The following INTS10 variants were observed in gnomAD, a reference collection of about 807,000 sequenced individuals.
INTS10 encodes the protein integrator complex subunit 10.
In INTS10, 44 loss-of-function variants were observed where a neutral mutation model predicts 94.4. The ratio of observed to expected loss-of-function variants is 0.47; its 90% CI spans 0.37 to 0.60. The LOEUF (loss-of-function observed/expected upper bound fraction) is 0.60, where lower values mean the gene tolerates loss of function less well. Among genes scored for constraint, INTS10 ranks in the 20% least tolerant of loss-of-function variants. The probability of loss-of-function intolerance (pLI) is 0.00; values close to 1 mark genes in which losing one functional copy is unlikely to be tolerated. For missense variants in INTS10, 797 were observed against 868.7 expected (o/e 0.92, Z 1.04); for synonymous variants, 341 against 320.7 (o/e 1.06, Z -0.68).
At chr8:19,820,630 G>T in intron 4 of INTS10, 112 bp downstream of exon 4, 3 of 858,590 alleles carry the variant, frequency 3.5e-6, no homozygotes, top group South Asian at 5.0e-5. Context: ...TACTGGTTAA[G>T]ATTGAACTGA....
chr8:19,846,224 C>G lies in INTS10; in HGVS notation c.1976+427C>G, dbSNP rs930381479. On this transcript the variant is annotated intron_variant, in intron 16 of 16. Transcript: ENST00000397977. The surrounding 1 kb of genome is among the most constrained non-coding windows in gnomAD (Gnocchi z 4.2). ...ATCACCTAAGGCCAGGAATTCAGGA[C>G]CAGCCTGGCCAACATGGTGAAACCC... Among the ~76,000 whole-genome samples, 15 of 151,436 alleles carry G rather than the reference C, an allele frequency of 9.9e-5. No individual in the cohort carries two copies. Among genetic ancestry groups the G allele is most frequent in the Non-Finnish European group, 2.1e-4 (14 of 67,908 alleles).
chr8:19,821,896 T>A (rs1408324437), intron 4 of INTS10: 1 of 152,412 alleles, frequency 6.6e-6, no homozygotes, highest in Non-Finnish European at 1.5e-5. Flanking sequence ...TACCAGTGTC[T>A]TGGTGGATTT....
chr8:19,838,167 G>A (rs1388282055), intron 13 of INTS10, among the ~76,000 whole-genome samples: 1 of 151,990 alleles, frequency 6.6e-6, no homozygotes, highest in African/African-American at 2.4e-5. Context: ...ACCAGTGTGG[G>A]CAACATGGTG....
intron 9 of INTS10, among the ~76,000 whole-genome samples, chr8:19,829,866 C>T (rs1018954382): frequency 2.0e-5 from 3 of 152,060 alleles, no homozygotes; most frequent in Non-Finnish European, 2.9e-5. Context: ...CTGGGTTTCG[C>T]CATGTTGGCC....
chr8:19,825,535 A>AC (rs1267396744), intron 8 of INTS10, among the ~76,000 whole-genome samples: 10 of 151,728 alleles, frequency 6.6e-5, no homozygotes, highest in Admixed American at 3.3e-4. Flanking sequence ...AAAAAAAAAA[A>AC]AGAAAAAAAC....
intron 11 of INTS10, among the ~76,000 whole-genome samples, chr8:19,832,476 G>A (rs1042563340): frequency 5.9e-5 from 9 of 152,206 alleles, no homozygotes; most frequent in Middle Eastern, 3.4e-3. Context: ...AGGCTGAGGC[G>A]GGAGGATCAC....
intron 13 of INTS10, chr8:19,841,718 CT>C: frequency 2.4e-6 from 1 of 419,776 alleles, no homozygotes; most frequent in Admixed American, 2.7e-5. Flanking sequence ...TGGAAACCAA[CT>C]TCCCATGACC....
Position 19,851,004 on chromosome 8 carries a change from C to A in INTS10, c.1977-645C>A, listed in dbSNP as rs935064118. On this transcript the variant is annotated intron_variant, in intron 16 of 16. Transcript: ENST00000397977. This position sits in a 1 kb window ranked among gnomAD's most constrained non-coding sequence, Gnocchi z 5.0. Reference sequence around the variant, plus strand: ...CAGAGATTCTGCCTCTCTCTCCTGACCTGTGCCACATTCTTGTGTCAGGAC... The same window carrying A: ...CAGAGATTCTGCCTCTCTCTCCTGAACTGTGCCACATTCTTGTGTCAGGAC... Among the ~76,000 whole-genome samples the A allele has an allele frequency of 6.6e-6, 1 of 152,168 alleles. No individual in the cohort carries two copies. The highest frequency in any genetic ancestry group is 1.5e-5 in the Non-Finnish European group (1 of 68,030).
Position 19,819,691 on chromosome 8 carries a change from G to A in INTS10, c.301+15G>A, listed in dbSNP as rs541759236. ...ATTTTTAAGAAGTAAGAATAATGGT[G>A]TATAAGTTACCATTTCGGGAATACC... On this transcript the variant is annotated intron_variant, in intron 3 of 16. Transcript: ENST00000397977. The A allele has an allele frequency of 4.2e-5, 65 of 1,555,864 alleles. 1 individual carries two copies. In the South Asian group the frequency reaches 5.0e-4, roughly 12 times the overall value.
At position 19,843,277 on chromosome 8, in the gene INTS10, G is replaced by A. The variant is rs1051297188; in HGVS notation, c.1719+350G>A. On this transcript the variant is annotated intron_variant, in intron 14 of 16. Coordinates refer to ENST00000397977, the MANE Select transcript of INTS10 (RefSeq NM_018142.4). This position sits in a 1 kb window ranked among gnomAD's most constrained non-coding sequence, Gnocchi z 4.7. Reference sequence around the variant, plus strand: ...GGTTAGGTTCATGGAGGGATGATGAGTTTGTCATTGTAAAGATGTGCTAGA... The same window carrying A: ...GGTTAGGTTCATGGAGGGATGATGAATTTGTCATTGTAAAGATGTGCTAGA... Among the ~76,000 whole-genome samples the A allele has an allele frequency of 2.0e-5, 3 of 152,208 alleles. No individual in the cohort carries two copies. The highest frequency in any genetic ancestry group is 6.5e-5 in the Admixed American group (1 of 15,284).
chr8:19,839,944 T>G (rs1000593241), intron 13 of INTS10, among the ~76,000 whole-genome samples: 2 of 150,954 alleles, frequency 1.3e-5, no homozygotes, highest in African/African-American at 4.9e-5. Flanking sequence ...ACACCTTTAA[T>G]CCCAGCTACT....
In INTS10 at chr8:19,833,308, T is replaced by C. The variant is rs757125023; in HGVS notation, c.1517T>C (p.Leu506Pro). The C allele has an allele frequency of 1.2e-5, 20 of 1,610,966 alleles. No individual in the cohort carries two copies. Among genetic ancestry groups the C allele is most frequent in the Non-Finnish European group, 1.6e-5 (19 of 1,178,554 alleles). Residue 506 changes from leucine (L) to proline (P), a missense_variant, in exon 12 of 17, where the codon CTA (leucine) becomes CCA (proline). Physicochemically the swap from Leu to Pro is moderately conservative, Grantham distance 98. Coordinates refer to ENST00000397977, the MANE Select transcript of INTS10 (RefSeq NM_018142.4). The stretch of plus-strand genomic sequence containing the variant: ...CAGCTGGCGACGTGCCACTTTGCGC[T>C]AGGGGAGTACAGAGTGAGTACTGCA... ...LIQLATCHFA[L>P]GEYRMTCEKV...
At chr8:19,847,307 G>A (rs944168290) in intron 16 of INTS10, among the ~76,000 whole-genome samples, 2 of 152,152 alleles carry the variant, frequency 1.3e-5, no homozygotes, top group African/African-American at 2.4e-5. Flanking sequence ...ACAAGGACTG[G>A]CATCTTCCAA....
chr8:19,819,241 A>G (rs931057427), intron 2 of INTS10, among the ~76,000 whole-genome samples: 1 of 152,050 alleles, frequency 6.6e-6, no homozygotes, highest in Admixed American at 6.6e-5. Context: ...TATTGTTTCA[A>G]CTGTTCTCTT....
rs2066538489 is a variant in INTS10, at chr8:19,823,370, A to C, written c.593A>C (p.Tyr198Ser). 1 of 1,602,072 alleles carries C rather than the reference A, an allele frequency of 6.2e-7. No homozygotes were observed. ...VRLPANLLYK[Y>S]LNKAAEFYIN... ...TTACCTGCCAATTTATTGTATAAGTACTTGAACAAAGCAGCTGAATTTTAT... is the reference window on the plus strand; with the variant it reads ...TTACCTGCCAATTTATTGTATAAGTCCTTGAACAAAGCAGCTGAATTTTAT... The change falls in exon 6 of 17, where the codon TAC (tyrosine) becomes TCC (serine). Residue 198 changes from tyrosine to serine, a missense_variant. By Grantham distance (144) the Tyr-to-Ser change is moderately radical. Around this residue, in one of 3 missense-constraint regions of INTS10, gnomAD observed 734 missense variants for 787.8 expected, o/e 0.93. Coordinates refer to ENST00000397977, the MANE Select transcript of INTS10 (RefSeq NM_018142.4).
Position 19,826,445 on chromosome 8 carries a change from A to T in INTS10, c.1026A>T (p.Gln342His). ...SLFQGPNAPS[Q>H]VPLVLLEDVS... ...CCTTAGGTCCTAATGCCCCGAGCCA[A>T]GTTCCACTGGTTCTTCTTGAAGATG... Residue 342 changes from glutamine (Q) to histidine (H), a missense_variant, in exon 9 of 17, where the codon CAA becomes CAT. Gln to His is a conservative substitution (Grantham distance 24). Transcript: ENST00000397977. 1 of 1,612,054 alleles carries T rather than the reference A, an allele frequency of 6.2e-7. No individual in the cohort carries two copies. Among genetic ancestry groups the T allele is most frequent in the Non-Finnish European group, 8.5e-7 (1 of 1,179,396 alleles).
chr8:19,833,177 T>C lies in INTS10; in HGVS notation c.1386T>C (p.Tyr462=). Reference sequence around the variant, plus strand: ...TATTCTATCTTTCTTAGGGTCAATATAAAAAGGCGATAGCCAGCCTGCATC... The same window carrying C: ...TATTCTATCTTTCTTAGGGTCAATACAAAAAGGCGATAGCCAGCCTGCATC... ...LTDMIIYQGQ[Y]KKAIASLHHL... Residue 462 remains tyrosine, a synonymous_variant, in exon 12 of 17, where the codon TAT becomes TAC. Coordinates refer to ENST00000397977, the MANE Select transcript of INTS10 (RefSeq NM_018142.4). 1.9e-6 allele frequency: 3 copies of C among 1,588,684 alleles called. No homozygotes were observed.
intron 3 of INTS10, 127 bp downstream of exon 3, chr8:19,819,803 T>C: frequency 1.5e-6 from 1 of 653,926 alleles, no homozygotes; most frequent in Non-Finnish European, 2.7e-6. Flanking sequence ...GCAACCAAAG[T>C]CTATAATAAT....
rs2066597604 is a variant in INTS10, at chr8:19,823,998, A to T, written c.790A>T (p.Asn264Tyr). 1 of 1,613,308 alleles carries T rather than the reference A, an allele frequency of 6.2e-7. No homozygotes were observed. The highest frequency in any genetic ancestry group is 1.1e-5 in the South Asian group (1 of 90,858). The stretch of plus-strand genomic sequence containing the variant: ...TTGGGAGAGGTTGTTTAAGATTTTG[A>T]ATGTTGTTGGAATGAGATGTGAATG... ...DPWERLFKIL[N>Y]VVGMRCEWQM... The change falls in exon 7 of 17, where the codon AAT (asparagine) becomes TAT (tyrosine). Residue 264 changes from asparagine (N) to tyrosine (Y), a missense_variant. Physicochemically the swap from Asn to Tyr is moderately radical, Grantham distance 143. This residue lies in a region of INTS10 where 734 missense variants were observed against 787.8 expected (regional missense o/e 0.93). Coordinates refer to ENST00000397977, the MANE Select transcript of INTS10 (RefSeq NM_018142.4).
Sources: gnomAD v4.1 joint callset for allele counts (sites outside exome capture counted in the v4.1 genomes callset) on GRCh38, gnomAD v4.1.1 for gene constraint, gnomAD v4.1.1 regional missense constraint, Gnocchi (gnomAD v3.1) non-coding constraint, MANE v1.5 for transcripts, NCBI Gene and HGNC (gene_info 2026-07-23, HGNC 2026-07-21) for gene names.